The following NRG1 variants were observed in gnomAD, a reference collection of about 807,000 sequenced individuals.
NRG1 encodes the protein pro-neuregulin-1, membrane-bound isoform.
In NRG1, 18 loss-of-function variants were observed where a neutral mutation model predicts 63.8. The observed-to-expected ratio is 0.28, with a 90% CI of 0.19 to 0.42. The LOEUF (loss-of-function observed/expected upper bound fraction) is 0.42. NRG1 is among the 10% of genes least tolerant of loss of function. The probability of loss-of-function intolerance (pLI) is 1.00; values close to 1 mark genes in which losing one functional copy is unlikely to be tolerated. For missense variants in NRG1, 762 were observed against 814.7 expected (o/e 0.94, Z 0.79); for synonymous variants, 302 against 301.3 (o/e 1.00, Z -0.02).
At chr8:31,949,008 T>A (rs1380264214) in intron 1 of NRG1, among the ~76,000 whole-genome samples, 2 of 152,208 alleles carry the variant, frequency 1.3e-5, no homozygotes, top group Non-Finnish European at 2.9e-5. Context: ...ATTTGTTAAA[T>A]GATTATTATG....
intron 1 of NRG1, among the ~76,000 whole-genome samples, chr8:32,320,122 G>A (rs564908370): frequency 1.1e-3 from 166 of 152,208 alleles, no homozygotes; most frequent in African/African-American, 3.9e-3. Flanking sequence ...TTACAAAATA[G>A]AAACACTGAT....
At chr8:31,847,602 T>C (rs1826813957) in intron 1 of NRG1, among the ~76,000 whole-genome samples, 1 of 152,218 alleles carries the variant, frequency 6.6e-6, no homozygotes, top group African/African-American at 2.4e-5. Flanking sequence ...TGTCACTACC[T>C]GGAATAAACT....
chr8:32,222,349 T>C (rs1845907655), intron 1 of NRG1, among the ~76,000 whole-genome samples: 1 of 152,188 alleles, frequency 6.6e-6, no homozygotes, highest in Non-Finnish European at 1.5e-5. Context: ...CTGCCTCTTA[T>C]GAATGACACC....
rs535405922 is a variant in NRG1, at chr8:32,706,742, A to G, written c.503-21207A>G. 6.6e-5 allele frequency among the ~76,000 whole-genome samples: 10 copies of G among 152,248 alleles called. No individual in the cohort carries two copies. The South Asian group carries it at 1.5e-3, about 22-fold the overall frequency. ...CTGAGACCTGGTGATTGAGGTCATA[A>G]AAAAGGAATGGTAGTTTTCTTTCAG... On this transcript the variant is annotated intron_variant, in intron 5 of 11. Coordinates refer to ENST00000356819, the Ensembl canonical transcript of NRG1.
intron 1 of NRG1, among the ~76,000 whole-genome samples, chr8:31,996,459 C>T (rs1271777463): frequency 6.6e-6 from 1 of 151,888 alleles, no homozygotes; most frequent in African/African-American, 2.4e-5. Flanking sequence ...AGGCCGGGCA[C>T]GGAGGTTCAT....
chr8:32,738,454 A>G (rs1210974923), intron 6 of NRG1, among the ~76,000 whole-genome samples: 1 of 151,918 alleles, frequency 6.6e-6, no homozygotes, highest in African/African-American at 2.4e-5. Context: ...ACATATGTAT[A>G]TATATTTAAA....
intron 1 of NRG1, among the ~76,000 whole-genome samples, chr8:32,415,072 T>C (rs1563432533): frequency 6.6e-6 from 1 of 152,134 alleles, no homozygotes; most frequent in Non-Finnish European, 1.5e-5. Flanking sequence ...CTTTATTAGA[T>C]CTATTTTCTG....
chr8:32,729,788 C>A (rs950733692), intron 6 of NRG1, among the ~76,000 whole-genome samples: 2 of 152,036 alleles, frequency 1.3e-5, no homozygotes, highest in Non-Finnish European at 2.9e-5. Context: ...TCGAAAATGC[C>A]ATTTTGTAGG....
At chr8:32,306,693 G>A (rs1856223857) in intron 1 of NRG1, among the ~76,000 whole-genome samples, 1 of 152,210 alleles carries the variant, frequency 6.6e-6, no homozygotes, top group African/African-American at 2.4e-5. Context: ...ATGGTAGGAC[G>A]AGGTTACTTT....
intron 5 of NRG1, among the ~76,000 whole-genome samples, chr8:32,668,738 A>G (rs886934833): frequency 2.0e-5 from 3 of 152,098 alleles, no homozygotes; most frequent in Non-Finnish European, 2.9e-5. Context: ...TTTTCAGCAA[A>G]TAGGAGTTTC....
intron 1 of NRG1, among the ~76,000 whole-genome samples, chr8:32,028,106 T>C (rs1323425749): frequency 6.6e-6 from 1 of 152,212 alleles, no homozygotes; most frequent in Non-Finnish European, 1.5e-5. Flanking sequence ...ATAATCAGTT[T>C]CTTTACTACT....
intron 1 of NRG1, among the ~76,000 whole-genome samples, chr8:32,452,580 A>G (rs1369645938): frequency 6.6e-6 from 1 of 152,196 alleles, no homozygotes; most frequent in Non-Finnish European, 1.5e-5. Flanking sequence ...ATTGGGGCTT[A>G]ATTGTAAAAA....
At chr8:32,364,813 G>A (rs887286345) in intron 1 of NRG1, among the ~76,000 whole-genome samples, 19 of 151,980 alleles carry the variant, frequency 1.3e-4, no homozygotes, top group African/African-American at 4.6e-4. Flanking sequence ...GTCTGTTCTT[G>A]TATCATTATC....
chr8:32,572,777 T>C (rs1305767350), intron 1 of NRG1, among the ~76,000 whole-genome samples: 1 of 152,200 alleles, frequency 6.6e-6, no homozygotes, highest in Admixed American at 6.5e-5. Flanking sequence ...CTCTGTCTGA[T>C]AACTGTCCTC....
chr8:32,639,578 A>G (rs1039219003), intron 5 of NRG1, among the ~76,000 whole-genome samples: 6 of 152,200 alleles, frequency 3.9e-5, no homozygotes, highest in Non-Finnish European at 7.3e-5. Flanking sequence ...GTACTCTCTT[A>G]TGAGTAATTC....
At chr8:31,986,903 A>G (rs1810158415) in intron 1 of NRG1, among the ~76,000 whole-genome samples, 1 of 152,202 alleles carries the variant, frequency 6.6e-6, no homozygotes, top group Non-Finnish European at 1.5e-5. Flanking sequence ...TTTAAGCTAA[A>G]GAAGGCAAAA....
At chr8:32,268,285 G>A (rs185217970) in intron 1 of NRG1, among the ~76,000 whole-genome samples, 17 of 152,278 alleles carry the variant, frequency 1.1e-4, no homozygotes, top group Non-Finnish European at 2.4e-4. Flanking sequence ...ACTGAGTCAG[G>A]ATTCCTAAGC....
chr8:32,666,973 C>G (rs10107006), intron 5 of NRG1, among the ~76,000 whole-genome samples: 46,657 of 152,090 alleles, frequency 0.31, 7,503 homozygotes, highest in East Asian at 0.36. Context: ...GAATAATATT[C>G]CATTATATAT....
chr8:32,312,714 A>G (rs1183785892), intron 1 of NRG1, among the ~76,000 whole-genome samples: 1 of 151,992 alleles, frequency 6.6e-6, no homozygotes, highest in Non-Finnish European at 1.5e-5. Flanking sequence ...ATCTTTAATC[A>G]TTTGTTTCAA....
Sources: allele counts gnomAD v4.1 joint callset (sites outside exome capture counted in the v4.1 genomes callset), GRCh38; gene constraint gnomAD v4.1.1; transcripts MANE v1.5; gene names NCBI Gene and HGNC (gene_info 2026-07-23, HGNC 2026-07-21).